The following GALNT15 variants were observed in gnomAD, a reference collection of about 807,000 sequenced individuals.
The protein encoded by GALNT15 is polypeptide N-acetylgalactosaminyltransferase 15, also known as UDP-GalNAc transferase T15.
In GALNT15, 67 loss-of-function variants were observed where a neutral mutation model predicts 66.8. The observed-to-expected ratio is 1.00, with a 90% CI of 0.82 to 1.23. GALNT15 has a LOEUF of 1.23. GALNT15 is among the 50% of genes most tolerant of loss of function. The probability of loss-of-function intolerance (pLI) is 0.00; values close to 1 mark genes in which losing one functional copy is unlikely to be tolerated. For synonymous variants in GALNT15, 313 were observed against 311.5 expected, an observed-to-expected ratio of 1.00 and a Z score of -0.05; for missense variants, 827 against 804.3, an observed-to-expected ratio of 1.03 and a Z score of -0.34.
In GALNT15 at chr3:16,203,212, G is replaced by T. The variant is rs2063720290; in HGVS notation, c.911+2389G>T. 6.6e-6 allele frequency among the ~76,000 whole-genome samples: 1 copy of T among 152,138 alleles called. No homozygotes were observed. The highest frequency in any genetic ancestry group is 2.4e-5 in the African/African-American group (1 of 41,420). Reference sequence around the variant, plus strand: ...TTTTAAGAGTTGGAGAAGCTGGTCAGGGAGGAACATTAGTCATCCCTAACC... The same window carrying T: ...TTTTAAGAGTTGGAGAAGCTGGTCATGGAGGAACATTAGTCATCCCTAACC... On this transcript the variant is annotated intron_variant, in intron 3 of 9. Transcript: ENST00000339732. This position sits in a 1 kb window ranked among gnomAD's most constrained non-coding sequence, Gnocchi z 6.2.
chr3:16,216,161 A>T (rs1044088790), intron 6 of GALNT15, among the ~76,000 whole-genome samples: 1 of 152,170 alleles, frequency 6.6e-6, no homozygotes, highest in Non-Finnish European at 1.5e-5. Flanking sequence ...TGGTGAATCT[A>T]TATGGTTCTG....
chr3:16,180,531 A>T lies in GALNT15; in HGVS notation c.539+4841A>T, dbSNP rs1184161695. Among the ~76,000 whole-genome samples, 1 of 152,016 alleles carries T rather than the reference A, an allele frequency of 6.6e-6. No homozygotes were observed. The highest frequency in any genetic ancestry group is 1.9e-4 in the East Asian group (1 of 5,176). On this transcript the variant is annotated intron_variant, in intron 1 of 9. Transcript: ENST00000339732. This position sits in a 1 kb window ranked among gnomAD's most constrained non-coding sequence, Gnocchi z 5.0. ...TATATTGCTTGTTAAAAAGACGTAG[A>T]TGTTCAGACCCCCTCACTGGCAATG...
At chr3:16,236,399 A>T (rs1049487864), downstream of GALNT15, among the ~76,000 whole-genome samples, 1 of 152,224 alleles carries the variant, frequency 6.6e-6, no homozygotes, top group Admixed American at 6.5e-5. Flanking sequence ...AAAGGAGCCG[A>T]GCCATGGACA....
At chr3:16,240,623 T>C in the GALNT15 span, among the ~76,000 whole-genome samples, 1 of 152,266 alleles carries the variant, frequency 6.6e-6, no homozygotes, top group Admixed American at 6.5e-5. Context: ...CTTATAGTGA[T>C]CCTTAAAATA....
At chr3:16,246,500 A>T in the GALNT15 span, among the ~76,000 whole-genome samples, 1 of 151,708 alleles carries the variant, frequency 6.6e-6, no homozygotes, top group Admixed American at 6.6e-5. Flanking sequence ...TAATTTTTGT[A>T]TTTTTAGTAG....
downstream of GALNT15, among the ~76,000 whole-genome samples, chr3:16,230,593 A>G (rs1451061957): frequency 1.3e-5 from 2 of 152,302 alleles, no homozygotes; most frequent in East Asian, 3.9e-4. This position sits in a 1 kb window ranked among gnomAD's most constrained non-coding sequence, Gnocchi z 4.5. Context: ...AAAAAAGAAA[A>G]GAAAAAAACA....
At chr3:16,208,459 G>C in intron 3 of GALNT15, 44 bp from the exon 4 acceptor site, 1 of 1,601,522 alleles carries the variant, frequency 6.2e-7, no homozygotes, top group Non-Finnish European at 8.5e-7. Flanking sequence ...GCCCCAGCAA[G>C]TAAATGCTTT....
chr3:16,219,967 G>C lies in GALNT15; in HGVS notation c.1582G>C (p.Gly528Arg). ...ADCQAEGDILGCPMVLAPCSD... is the reference protein window; with the variant it reads ...ADCQAEGDILRCPMVLAPCSD... ...CTGCCAGGCAGAAGGGGACATCCTGGGCTGTCCCATGGTGTTGGCTCCTTG... is the reference window on the plus strand; with the variant it reads ...CTGCCAGGCAGAAGGGGACATCCTGCGCTGTCCCATGGTGTTGGCTCCTTG... Residue 528 changes from glycine (G) to arginine (R), a missense_variant, in exon 8 of 10, where the codon GGC (glycine) becomes CGC (arginine). Gly to Arg is a moderately radical substitution (Grantham distance 125, BLOSUM62 -2). Transcript: ENST00000339732. The surrounding 1 kb of genome is among the most constrained non-coding windows in gnomAD (Gnocchi z 4.3). 1 of 1,614,198 alleles carries C rather than the reference G, an allele frequency of 6.2e-7. No homozygotes were observed. The highest frequency in any genetic ancestry group is 8.5e-7 in the Non-Finnish European group (1 of 1,180,022).
chr3:16,232,517 T>TAA (rs1230668088), downstream of GALNT15, among the ~76,000 whole-genome samples: 1 of 70,362 alleles, frequency 1.4e-5, no homozygotes, highest in African/African-American at 6.7e-5. Flanking sequence ...TATATTTATT[T>TAA]AAAAGAGACA....
chr3:16,180,000 T>C (rs377292762), intron 1 of GALNT15, among the ~76,000 whole-genome samples: 9 of 152,316 alleles, frequency 5.9e-5, no homozygotes, highest in Admixed American at 3.3e-4. Context: ...TGGTATCCAG[T>C]GCAGGGGCAA....
At chr3:16,246,555 C>T in the GALNT15 span, among the ~76,000 whole-genome samples, 1 of 152,058 alleles carries the variant, frequency 6.6e-6, no homozygotes, top group Non-Finnish European at 1.5e-5. Context: ...ATCTCTTGAC[C>T]TCGTGATCTG....
At chr3:16,234,450 A>G (rs2064113949), downstream of GALNT15, among the ~76,000 whole-genome samples, 1 of 152,086 alleles carries the variant, frequency 6.6e-6, no homozygotes, top group Non-Finnish European at 1.5e-5. Context: ...TTGGTGTATA[A>G]ATACCTCAGC....
intron 2 of GALNT15, among the ~76,000 whole-genome samples, chr3:16,196,598 C>G (rs1364261022): frequency 6.6e-6 from 1 of 152,212 alleles, no homozygotes; most frequent in Non-Finnish European, 1.5e-5. Context: ...CTTGAGCATG[C>G]ATCGGAATCA....
At chr3:16,198,870 T>G (rs2063668909) in intron 2 of GALNT15, among the ~76,000 whole-genome samples, 1 of 141,408 alleles carries the variant, frequency 7.1e-6, no homozygotes, top group Non-Finnish European at 1.6e-5. Context: ...TTCTCCAGCC[T>G]CCCCAGAGAT....
chr3:16,238,499 AGTTGTT>A, the GALNT15 span, among the ~76,000 whole-genome samples: 1 of 152,118 alleles, frequency 6.6e-6, no homozygotes, highest in Non-Finnish European at 1.5e-5. This position sits in a 1 kb window ranked among gnomAD's most constrained non-coding sequence, Gnocchi z 4.8. Context: ...ACATTGCAAT[AGTTGTT>A]GTACTCAAGT....
intron 4 of GALNT15, among the ~76,000 whole-genome samples, chr3:16,210,596 A>G (rs1216748087): frequency 6.6e-6 from 1 of 152,206 alleles, no homozygotes; most frequent in African/African-American, 2.4e-5. Context: ...TCTTGTGTTT[A>G]TAAATCATGT....
At position 16,183,671 on chromosome 3, in the gene GALNT15, G is replaced by C. The variant is rs916437434; in HGVS notation, c.539+7981G>C. ...CATCAGTGGGATCAGGGCTGAGATA[G>C]AGAAGCCTATCCGAGTGGGGCGCCT... On this transcript the variant is annotated intron_variant, in intron 1 of 9. Transcript: ENST00000339732. The surrounding 1 kb of genome is among the most constrained non-coding windows in gnomAD (Gnocchi z 5.2). Among the ~76,000 whole-genome samples, 1 of 152,218 alleles carries C rather than the reference G, an allele frequency of 6.6e-6. No homozygotes were observed. Among genetic ancestry groups the C allele is most frequent in the Admixed American group, 6.5e-5 (1 of 15,290 alleles).
rs1491187404 is a variant in GALNT15 at position 16,203,543 on chromosome 3, T to TCTCACACACACA, written c.911+2721_911+2722insTCACACACACAC. Among the ~76,000 whole-genome samples, 89 of 61,142 alleles carry TCTCACACACACA rather than the reference T, an allele frequency of 1.5e-3. No individual in the cohort carries two copies. The highest frequency in any genetic ancestry group is 2.8e-3 in the African/African-American group (52 of 18,300). 40.1% of individuals were successfully genotyped at this position (61,142 alleles called of 152,430 possible). The stretch of plus-strand genomic sequence containing the variant: ...CATTCTCTCTCTCTCTCTCTCTCTC[T>TCTCACACACACA]CACACACACACACACACACACACAC... On this transcript the variant is annotated intron_variant, in intron 3 of 9. Coordinates refer to ENST00000339732, the MANE Select transcript of GALNT15 (RefSeq NM_054110.5). The surrounding 1 kb of genome is among the most constrained non-coding windows in gnomAD (Gnocchi z 6.2).
rs1225645315 is a variant in GALNT15, at chr3:16,204,971, A to T, written c.912-3532A>T. ...TGCGTGCGTGTGTGTGTGCGCGCGC[A>T]TGTGCGCGTCAAGGAGCAGCAGGAG... On this transcript the variant is annotated intron_variant, in intron 3 of 9. Transcript: ENST00000339732. The surrounding 1 kb of genome is among the most constrained non-coding windows in gnomAD (Gnocchi z 4.5). 6.6e-6 allele frequency among the ~76,000 whole-genome samples: 1 copy of T among 152,212 alleles called. No individual in the cohort carries two copies. The highest frequency in any genetic ancestry group is 2.4e-5 in the African/African-American group (1 of 41,466).
Sources: gnomAD v4.1 joint callset for allele counts (sites outside exome capture counted in the v4.1 genomes callset) on GRCh38, gnomAD v4.1.1 for gene constraint, Gnocchi (gnomAD v3.1) non-coding constraint, MANE v1.5 for transcripts, NCBI Gene and HGNC (gene_info 2026-07-23, HGNC 2026-07-21) for gene names.